DLAT: variants seen among roughly 807,000 people sequenced by gnomAD.
DLAT encodes dihydrolipoamide S-acetyltransferase, also known as dihydrolipoyllysine-residue acetyltransferase component of pyruvate dehydrogenase complex, mitochondrial.
A neutral mutation model predicts 68.0 loss-of-function variants in DLAT; 43 were observed. That is an observed-to-expected ratio of 0.63 (90% confidence interval 0.50 to 0.81). The LOEUF (loss-of-function observed/expected upper bound fraction) is 0.81. Ranked by LOEUF, DLAT falls within the 40% of genes least tolerant of loss-of-function variation. The probability of loss-of-function intolerance (pLI) is 0.00; values close to 1 mark genes in which losing one functional copy is unlikely to be tolerated. For missense variants in DLAT, 745 were observed against 815.4 expected (o/e 0.91, Z 1.05); for synonymous variants, 265 against 288.6 (o/e 0.92, Z 0.83).
intron 4 of DLAT, among the ~76,000 whole-genome samples, chr11:112,029,666 C>T (rs1186905909): frequency 6.7e-6 from 1 of 148,694 alleles, no homozygotes; most frequent in Admixed American, 6.7e-5. Flanking sequence ...TTTCCACATA[C>T]AAAAAAACTT....
At position 112,062,690 on chromosome 11, in the gene DLAT, T is replaced by A; in HGVS notation, c.*155T>A. On this transcript the variant is annotated 3_prime_UTR_variant, in exon 14 of 14. Transcript: ENST00000280346. ...GTTATTTATAATGGGCATTACTGAA[T>A]TTTTAAAATGCCGATTACACCCAAA... 1 of 888,148 alleles carries A rather than the reference T, an allele frequency of 1.1e-6. No homozygotes were observed. The highest frequency in any genetic ancestry group is 2.5e-5 in the Admixed American group (1 of 40,386). 55.0% of individuals were successfully genotyped at this position (888,148 alleles called of 1,614,324 possible).
At chr11:112,027,081 GA>G (rs1862077039) in intron 2 of DLAT, among the ~76,000 whole-genome samples, 2 of 151,696 alleles carry the variant, frequency 1.3e-5, no homozygotes, top group African/African-American at 4.8e-5. Flanking sequence ...CTGCCGGGCG[GA>G]GACGCTCCTC....
intron 2 of DLAT, among the ~76,000 whole-genome samples, chr11:112,028,019 G>T (rs1555179579): frequency 1.3e-5 from 2 of 152,182 alleles, no homozygotes; most frequent in Non-Finnish European, 2.9e-5. Context: ...ACTGAACATT[G>T]ACTTTCTGGA....
intron 4 of DLAT, among the ~76,000 whole-genome samples, chr11:112,029,219 A>C (rs192510152): frequency 3.3e-5 from 5 of 152,284 alleles, no homozygotes; most frequent in African/African-American, 1.2e-4. Context: ...TACATTACAG[A>C]TTTTGAGGAT....
intron 4 of DLAT, chr11:112,030,427 C>T (rs1555179869): frequency 2.6e-6 from 1 of 379,628 alleles, no homozygotes; most frequent in African/African-American, 2.1e-5. Context: ...TTGGAGGGGA[C>T]AGACATCCAA....
chr11:112,032,427 A>G (rs948302636), intron 4 of DLAT: 5 of 152,186 alleles, frequency 3.3e-5, no homozygotes, highest in African/African-American at 1.2e-4. Flanking sequence ...GCCACTTAAA[A>G]ATCTACTGTC....
chr11:112,053,812 A>C (rs1555182217), intron 11 of DLAT, among the ~76,000 whole-genome samples: 1 of 152,086 alleles, frequency 6.6e-6, no homozygotes, highest in African/African-American at 2.4e-5. Flanking sequence ...CAGATTTCCA[A>C]ATAACATTTT....
intron 4 of DLAT, among the ~76,000 whole-genome samples, chr11:112,031,321 A>G (rs1194708099): frequency 6.6e-6 from 1 of 152,220 alleles, no homozygotes; most frequent in Non-Finnish European, 1.5e-5. Context: ...TAGTAAAGCA[A>G]TTTTACATTT....
At chr11:112,059,757 A>G (rs970323199) in intron 11 of DLAT, 146 bp from the exon 12 acceptor site, 2 of 627,326 alleles carry the variant, frequency 3.2e-6, no homozygotes, top group Admixed American at 6.2e-5. Context: ...AAATTAGGAT[A>G]GACATCTTAA....
chr11:112,052,882 A>G (rs2137833022), intron 11 of DLAT, among the ~76,000 whole-genome samples: 1 of 152,198 alleles, frequency 6.6e-6, no homozygotes, highest in African/African-American at 2.4e-5. Flanking sequence ...CACCCTAAGT[A>G]TCCGTCATGG....
Position 112,063,223 on chromosome 11 carries a change from T to C in DLAT, c.*688T>C, listed in dbSNP as rs782772413. ...CAGCTACTTGATGTAACTGAGAATTTGTGTGGATATTTATTTAAACAAATG... is the reference window on the plus strand; with the variant it reads ...CAGCTACTTGATGTAACTGAGAATTCGTGTGGATATTTATTTAAACAAATG... On this transcript the variant is annotated 3_prime_UTR_variant, in exon 14 of 14. Coordinates refer to ENST00000280346, the MANE Select transcript of DLAT (RefSeq NM_001931.5). 5 of 152,192 alleles carry C rather than the reference T, an allele frequency of 3.3e-5. No individual in the cohort carries two copies. The highest frequency in any genetic ancestry group is 5.9e-5 in the Non-Finnish European group (4 of 68,012). The allele number at this position is 152,192 out of a possible 1,614,324, so 9.4% of individuals were successfully genotyped here.
Position 112,026,311 on chromosome 11 carries a change from T to TG in DLAT, c.381+12_381+13insG, listed in dbSNP as rs781916881. On this transcript the variant is annotated intron_variant, in intron 2 of 13. Coordinates refer to ENST00000280346, the MANE Select transcript of DLAT (RefSeq NM_001931.5). ...ACCTAATTGCAGAGGTAAGTTTTTT[T>TG]TTTTTTTTTTAATTAATTTATTTAT... is the stretch of plus-strand genomic sequence containing the variant. 2.8e-5 allele frequency: 39 copies of TG among 1,369,092 alleles called. No homozygotes were observed. The African/African-American group carries it at 5.2e-4, about 18-fold the overall frequency. The allele number at this position is 1,369,092 out of a possible 1,614,324, so 84.8% of individuals were successfully genotyped here.
At chr11:112,055,539 C>T (rs11214069) in intron 11 of DLAT, among the ~76,000 whole-genome samples, 29 of 151,978 alleles carry the variant, frequency 1.9e-4, no homozygotes, top group Non-Finnish European at 3.7e-4. Flanking sequence ...CCACCGCGCC[C>T]GGCCAAGGCC....
In DLAT at chr11:112,062,837, G is replaced by A. The variant is rs1864719686; in HGVS notation, c.*302G>A. On this transcript the variant is annotated 3_prime_UTR_variant, in exon 14 of 14. Coordinates refer to ENST00000280346, the MANE Select transcript of DLAT (RefSeq NM_001931.5). ...TACTTCCTCTAGGAAATGTACGATAGGTAGAATTGTGGTTCCCTAAAGACA... is the reference window on the plus strand; with the variant it reads ...TACTTCCTCTAGGAAATGTACGATAAGTAGAATTGTGGTTCCCTAAAGACA... 2.8e-6 allele frequency: 1 copy of A among 353,618 alleles called. No homozygotes were observed. The highest frequency in any genetic ancestry group is 5.4e-6 in the Non-Finnish European group (1 of 184,958). The allele number at this position is 353,618 out of a possible 1,614,324, so 21.9% of individuals were successfully genotyped here. A position where few individuals can be genotyped will look rare whatever the true frequency, so the allele number is the denominator to read the frequency against.
chr11:112,026,283 G>A lies in DLAT; in HGVS notation c.365G>A (p.Gly122Asp), dbSNP rs1259968453. 1.9e-6 allele frequency: 3 copies of A among 1,595,632 alleles called. No individual in the cohort carries two copies. The highest frequency in any genetic ancestry group is 1.3e-5 in the African/African-American group (1 of 74,318). ...EKKEGDKINEGDLIAEVETDK... is the reference protein window; with the variant it reads ...EKKEGDKINEDDLIAEVETDK... Reference sequence around the variant, plus strand: ...AAAGAGGGGGACAAAATCAATGAAGGTGACCTAATTGCAGAGGTAAGTTTT... The same window carrying A: ...AAAGAGGGGGACAAAATCAATGAAGATGACCTAATTGCAGAGGTAAGTTTT... The change falls in exon 2 of 14, where the codon GGT becomes GAT. Residue 122 changes from glycine (G) to aspartate (D), a missense_variant. Transcript: ENST00000280346.
chr11:112,027,678 A>G (rs1862138010), intron 2 of DLAT, among the ~76,000 whole-genome samples: 1 of 152,164 alleles, frequency 6.6e-6, no homozygotes, highest in South Asian at 2.1e-4. Context: ...CTGGCGGATC[A>G]CTCGCGGTTA....
Position 112,043,392 on chromosome 11 carries a change from T to C in DLAT, c.1130-74T>C, listed in dbSNP as rs1250668398. ...AGTAAACCCTTAGGAGCTTGCAGTTTAGGATCACAGCGTTGATCTCCTTGG... is the reference window on the plus strand; with the variant it reads ...AGTAAACCCTTAGGAGCTTGCAGTTCAGGATCACAGCGTTGATCTCCTTGG... On this transcript the variant is annotated intron_variant, in intron 7 of 13. Coordinates refer to ENST00000280346, the MANE Select transcript of DLAT (RefSeq NM_001931.5). 14 of 1,391,302 alleles carry C rather than the reference T, an allele frequency of 1.0e-5. No homozygotes were observed. In the African/African-American group the frequency reaches 1.4e-4, roughly 14 times the overall value. The allele number at this position is 1,391,302 out of a possible 1,614,324, so 86.2% of individuals were successfully genotyped here.
At chr11:112,059,326 C>T (rs996898375) in intron 11 of DLAT, among the ~76,000 whole-genome samples, 2 of 151,878 alleles carry the variant, frequency 1.3e-5, no homozygotes, top group Non-Finnish European at 2.9e-5. Context: ...GCGAAACCAA[C>T]CTACTGCTGC....
chr11:112,053,181 G>A (rs1863763860), intron 11 of DLAT, among the ~76,000 whole-genome samples: 1 of 152,058 alleles, frequency 6.6e-6, no homozygotes, highest in South Asian at 2.1e-4. Flanking sequence ...AATTAGCTGA[G>A]CGTGGTGGTG....
Sources: gnomAD v4.1 joint callset for allele counts (sites outside exome capture counted in the v4.1 genomes callset) on GRCh38, gnomAD v4.1.1 for gene constraint, MANE v1.5 for transcripts, NCBI Gene and HGNC (gene_info 2026-07-23, HGNC 2026-07-21) for gene names.